Variants in CTIF observed in about 807,000 individuals in gnomAD.
The protein encoded by CTIF is cap binding complex dependent translation initiation factor.
A neutral mutation model predicts 66.0 loss-of-function variants in CTIF; 21 were observed. The observed-to-expected ratio is 0.32, with a 90% CI of 0.23 to 0.46. The LOEUF is 0.46. CTIF is among the 20% of genes least tolerant of loss of function. The probability of loss-of-function intolerance (pLI) is 1.00; values close to 1 mark genes in which losing one functional copy is unlikely to be tolerated. For missense variants in CTIF, 739 were observed against 812.7 expected, an observed-to-expected ratio of 0.91 and a Z score of 1.10; for synonymous variants, 345 against 326.4, an observed-to-expected ratio of 1.06 and a Z score of -0.62.
intron 6 of CTIF, among the ~76,000 whole-genome samples, chr18:48,693,532 C>T (rs1286485409): frequency 6.6e-6 from 1 of 152,154 alleles, no homozygotes; most frequent in Non-Finnish European, 1.5e-5. Flanking sequence ...GTAAATGTAA[C>T]CCCTTTATCC....
At position 48,761,967 on chromosome 18, in the gene CTIF, A is replaced by G. The variant is rs957480660; in HGVS notation, c.1371+278A>G. ...AGCCTTTCCCACTTTCTATTTTCATAAGAGGCTGGCTCTTGGTCTCAACCT... is the reference window on the plus strand; with the variant it reads ...AGCCTTTCCCACTTTCTATTTTCATGAGAGGCTGGCTCTTGGTCTCAACCT... On this transcript the variant is annotated intron_variant, in intron 9 of 11. Coordinates refer to ENST00000256413, the MANE Select transcript of CTIF (RefSeq NM_014772.3). This position sits in a 1 kb window ranked among gnomAD's most constrained non-coding sequence, Gnocchi z 4.2. Among the ~76,000 whole-genome samples, 1 of 152,164 alleles carries G rather than the reference A, an allele frequency of 6.6e-6. No homozygotes were observed. The highest frequency in any genetic ancestry group is 2.4e-5 in the African/African-American group (1 of 41,428).
intron 6 of CTIF, among the ~76,000 whole-genome samples, chr18:48,702,424 C>T (rs76956558): frequency 0.024 from 3,658 of 152,324 alleles, 48 homozygotes; most frequent in Middle Eastern, 0.068. Flanking sequence ...GAAACCTGTC[C>T]GGGGTTCCTG....
At chr18:48,759,896 A>G (rs576195925) in intron 8 of CTIF, among the ~76,000 whole-genome samples, 48 of 152,276 alleles carry the variant, frequency 3.2e-4, no homozygotes, top group African/African-American at 1.1e-3. Flanking sequence ...CCAAGAAGAC[A>G]TGGGCTCAGG....
At position 48,619,751 on chromosome 18, in the gene CTIF, C is replaced by T. The variant is rs757370807; in HGVS notation, c.180+6C>T. 6.4e-6 allele frequency: 10 copies of T among 1,563,082 alleles called. No individual in the cohort carries two copies. Among genetic ancestry groups the T allele is most frequent in the Middle Eastern group, 1.7e-4 (1 of 5,830 alleles). ...CCCAGTCCCACATCTCCCAGGTGAG[C>T]GCGGGCCCGGGGTTGGGGCAGCTTG... is the stretch of plus-strand genomic sequence containing the variant. On this transcript the variant is annotated splice_donor_region_variant and intron_variant, in intron 2 of 11. Coordinates refer to ENST00000256413, the MANE Select transcript of CTIF (RefSeq NM_014772.3).
intron 1 of CTIF, among the ~76,000 whole-genome samples, chr18:48,576,518 C>T (rs1429641079): frequency 2.0e-5 from 3 of 152,216 alleles, no homozygotes; most frequent in Non-Finnish European, 4.4e-5. Context: ...TCTTTCTATG[C>T]GGTTCTCTGC....
At chr18:48,624,492 A>G (rs1273871433) in intron 2 of CTIF, among the ~76,000 whole-genome samples, 1 of 152,174 alleles carries the variant, frequency 6.6e-6, no homozygotes, top group Non-Finnish European at 1.5e-5. Context: ...TTGACCACTA[A>G]TCTTTTGGGG....
chr18:48,646,018 CACAA>C (rs2091024899), intron 3 of CTIF, among the ~76,000 whole-genome samples: 1 of 152,164 alleles, frequency 6.6e-6, no homozygotes, highest in Admixed American at 6.5e-5. Context: ...TTTGTCATAT[CACAA>C]ACAAACTGAA....
chr18:48,756,212 G>A (rs1908347698), intron 7 of CTIF: 1 of 152,294 alleles, frequency 6.6e-6, no homozygotes, highest in South Asian at 2.1e-4. Context: ...GCCCAATGAG[G>A]GGCCTAGACA....
At position 48,568,862 on chromosome 18, in the gene CTIF, C is replaced by A. The variant is rs570371535; in HGVS notation, c.-29+29550C>A. 2.6e-3 allele frequency among the ~76,000 whole-genome samples: 391 copies of A among 152,152 alleles called. 1 individual carries two copies. The highest frequency in any genetic ancestry group is 4.6e-3 in the Non-Finnish European group (315 of 68,014). The stretch of plus-strand genomic sequence containing the variant: ...AAGAATAGCACAGGAAAAACCCACC[C>A]CCACGATTCAATTATCTCCCACCAG... On this transcript the variant is annotated intron_variant, in intron 1 of 11. Coordinates refer to ENST00000256413, the MANE Select transcript of CTIF (RefSeq NM_014772.3).
At chr18:48,669,187 A>G (rs2091483479) in intron 5 of CTIF, among the ~76,000 whole-genome samples, 1 of 147,552 alleles carries the variant, frequency 6.8e-6, no homozygotes, top group African/African-American at 2.5e-5. Flanking sequence ...AGGAACCAAA[A>G]CTGATTTTTT....
chr18:48,848,585 G>C (rs1311935701), intron 10 of CTIF, among the ~76,000 whole-genome samples: 16 of 152,228 alleles, frequency 1.1e-4, no homozygotes, highest in Admixed American at 1.0e-3. Context: ...AAGATGTTGG[G>C]ATTGCCAGTG....
chr18:48,602,624 T>G (rs1172719844), intron 1 of CTIF, among the ~76,000 whole-genome samples: 1 of 152,228 alleles, frequency 6.6e-6, no homozygotes, highest in African/African-American at 2.4e-5. Context: ...AGATCAAAAA[T>G]AACGTTTTTG....
At chr18:48,663,730 C>T (rs1319589705) in intron 3 of CTIF, 22 bp from the exon 4 acceptor site, 7 of 1,612,474 alleles carry the variant, frequency 4.3e-6, no homozygotes, top group African/African-American at 1.3e-5. Context: ...AATGTCAGCC[C>T]TTTCACCCCC....
Position 48,757,968 on chromosome 18 carries a change from C to G in CTIF, c.634C>G (p.His212Asp). The G allele has an allele frequency of 6.2e-7, 1 of 1,613,890 alleles. No individual in the cohort carries two copies. Among genetic ancestry groups the G allele is most frequent in the Non-Finnish European group, 8.5e-7 (1 of 1,179,950 alleles). Residue 212 changes from histidine to aspartate, a missense_variant, in exon 8 of 12, where the codon CAC becomes GAC. By Grantham distance (81) the His-to-Asp change is moderately conservative. Around this residue, in one of 2 missense-constraint regions of CTIF, gnomAD observed 529 missense variants for 520.3 expected, o/e 1.02. Coordinates refer to ENST00000256413, the MANE Select transcript of CTIF (RefSeq NM_014772.3). The part of the protein sequence containing the change: ...GGNKPQQHGD[H>D]QPGSAKHNRD... ...CAACAAGCCCCAACAGCATGGTGAC[C>G]ACCAGCCAGGCAGTGCCAAACACAA...
intron 1 of CTIF, among the ~76,000 whole-genome samples, chr18:48,618,630 A>T (rs1296516947): frequency 6.6e-6 from 1 of 152,168 alleles, no homozygotes; most frequent in Non-Finnish European, 1.5e-5. Context: ...TCGGGGGATA[A>T]GCAAGGGAGC....
chr18:48,739,754 T>C (rs2145733974), intron 7 of CTIF, among the ~76,000 whole-genome samples: 1 of 152,320 alleles, frequency 6.6e-6, no homozygotes, highest in Non-Finnish European at 1.5e-5. Context: ...TCATACGTTG[T>C]GGTTTCAAAG....
chr18:48,723,892 C>G (rs538729596), intron 7 of CTIF, among the ~76,000 whole-genome samples: 17 of 152,254 alleles, frequency 1.1e-4, no homozygotes, highest in African/African-American at 3.6e-4. Context: ...TTTGGGAGGC[C>G]TTGGTTTCCA....
chr18:48,774,823 A>ATACCAAT (rs1910515281), intron 9 of CTIF, among the ~76,000 whole-genome samples: 1 of 152,242 alleles, frequency 6.6e-6, no homozygotes, highest in African/African-American at 2.4e-5. Context: ...TATTTGGGGA[A>ATACCAAT]AGCCAGACTC....
At chr18:48,803,307 A>G (rs1449122133) in intron 9 of CTIF, among the ~76,000 whole-genome samples, 1 of 152,356 alleles carries the variant, frequency 6.6e-6, no homozygotes, top group East Asian at 1.9e-4. Context: ...CCACAGTGTC[A>G]TGAACCATCA....
Sources: gnomAD v4.1 joint callset for allele counts (sites outside exome capture counted in the v4.1 genomes callset) on GRCh38, gnomAD v4.1.1 for gene constraint, gnomAD v4.1.1 regional missense constraint, Gnocchi (gnomAD v3.1) non-coding constraint, MANE v1.5 for transcripts, NCBI Gene and HGNC (gene_info 2026-07-23, HGNC 2026-07-21) for gene names.